Variants in MAGI1 observed in about 807,000 individuals in gnomAD.
The protein encoded by MAGI1 is membrane-associated guanylate kinase, WW and PDZ domain-containing protein 1.
A neutral mutation model predicts 139.9 loss-of-function variants in MAGI1; 58 were observed. The observed-to-expected ratio is 0.41, with a 90% CI of 0.34 to 0.52. The LOEUF is 0.52. MAGI1 is among the 20% of genes least tolerant of loss of function. The pLI is 0.12. For missense variants in MAGI1, 1,874 were observed against 1,901.6 expected (o/e 0.99, Z 0.27); for synonymous variants, 812 against 737.9 (o/e 1.10, Z -1.63).
chr3:65,392,011 A>C (rs1210151827), intron 13 of MAGI1, among the ~76,000 whole-genome samples: 1 of 152,200 alleles, frequency 6.6e-6, no homozygotes, highest in Non-Finnish European at 1.5e-5. Flanking sequence ...TTCACCTCTT[A>C]AACTGCCGAT....
At chr3:65,432,715 G>A (rs961037826) in intron 10 of MAGI1, among the ~76,000 whole-genome samples, 6 of 152,144 alleles carry the variant, frequency 3.9e-5, no homozygotes, top group Non-Finnish European at 8.8e-5. Flanking sequence ...CAGCTGCCAA[G>A]ACAATTATCA....
intron 1 of MAGI1, among the ~76,000 whole-genome samples, chr3:65,726,197 C>T (rs1321731303): frequency 6.6e-6 from 1 of 152,142 alleles, no homozygotes; most frequent in African/African-American, 2.4e-5. Context: ...TTTACATTTC[C>T]ATCTTATTTA....
intron 1 of MAGI1, among the ~76,000 whole-genome samples, chr3:65,650,462 AG>A (rs1559754396): frequency 6.6e-6 from 1 of 152,200 alleles, no homozygotes; most frequent in Non-Finnish European, 1.5e-5. Flanking sequence ...ATAAAAAGGA[AG>A]GAACTATTGA....
At position 66,038,105 on chromosome 3, in the gene MAGI1, C is replaced by T; in HGVS notation, c.204G>A (p.Glu68=). The change falls in exon 1 of 23, where the codon GAG becomes GAA. Residue 68 remains glutamate (E), a synonymous_variant. Coordinates refer to ENST00000402939, the MANE Select transcript of MAGI1 (RefSeq NM_001033057.2). ...GGEGPRLGEG[E]LLLEVQGVRV... is the part of the protein sequence containing the mutation. The stretch of plus-strand genomic sequence containing the variant: ...GGACCCCCTGCACCTCCAGAAGCAG[C>T]TCCCCTTCGCCCAGCCTCGGGCCCT... 1 of 1,612,920 alleles carries T rather than the reference C, an allele frequency of 6.2e-7. No individual in the cohort carries two copies. The highest frequency in any genetic ancestry group is 8.5e-7 in the Non-Finnish European group (1 of 1,179,746).
At chr3:65,682,194 C>T (rs890681919) in intron 1 of MAGI1, among the ~76,000 whole-genome samples, 1 of 152,264 alleles carries the variant, frequency 6.6e-6, no homozygotes, top group East Asian at 1.9e-4. Flanking sequence ...AAAGTAGCAT[C>T]AAGGGTGGGC....
intron 11 of MAGI1, 124 bp from the exon 12 acceptor site, chr3:65,430,264 A>G (rs1947354651): frequency 1.1e-6 from 1 of 937,256 alleles, no homozygotes; most frequent in Admixed American, 2.6e-5. Context: ...ACTATAGGGT[A>G]TAAAGTGCTT....
intron 2 of MAGI1, among the ~76,000 whole-genome samples, chr3:65,569,595 C>T (rs552052621): frequency 2.2e-4 from 33 of 152,122 alleles, no homozygotes; most frequent in Non-Finnish European, 2.6e-4. Flanking sequence ...ATGTTTAAGA[C>T]GGCAGGCACG....
chr3:65,746,693 A>G (rs555499575), intron 1 of MAGI1, among the ~76,000 whole-genome samples: 2 of 152,274 alleles, frequency 1.3e-5, no homozygotes, highest in African/African-American at 4.8e-5. Flanking sequence ...CCAGCCATCA[A>G]GGGCATTAAA....
chr3:65,761,802 C>T (rs2037055369), intron 1 of MAGI1, among the ~76,000 whole-genome samples: 1 of 152,202 alleles, frequency 6.6e-6, no homozygotes, highest in African/African-American at 2.4e-5. Context: ...GGAATGTGAT[C>T]TGTTTCATCT....
chr3:65,926,256 A>G (rs900837863), intron 1 of MAGI1, among the ~76,000 whole-genome samples: 40 of 152,108 alleles, frequency 2.6e-4, no homozygotes, highest in Non-Finnish European at 4.7e-4. Flanking sequence ...AATAAATACA[A>G]TGTAAATAAA....
At chr3:65,704,621 T>C (rs913310983) in intron 1 of MAGI1, among the ~76,000 whole-genome samples, 1 of 152,190 alleles carries the variant, frequency 6.6e-6, no homozygotes, top group Non-Finnish European at 1.5e-5. Flanking sequence ...ATGGGGCTTA[T>C]GTGGTTTTTA....
At chr3:65,547,411 C>T (rs1374365659) in intron 2 of MAGI1, among the ~76,000 whole-genome samples, 1 of 152,096 alleles carries the variant, frequency 6.6e-6, no homozygotes, top group Non-Finnish European at 1.5e-5. Context: ...TATCTATTAC[C>T]AGAGTATAAC....
chr3:65,495,614 T>C (rs1159294072), intron 2 of MAGI1, among the ~76,000 whole-genome samples: 1 of 152,204 alleles, frequency 6.6e-6, no homozygotes, highest in East Asian at 1.9e-4. Flanking sequence ...AACAAATATG[T>C]ATATAAATAA....
At chr3:65,511,298 A>G (rs1398125990) in intron 2 of MAGI1, among the ~76,000 whole-genome samples, 1 of 149,570 alleles carries the variant, frequency 6.7e-6, no homozygotes, top group Non-Finnish European at 1.5e-5. Context: ...AAATTCACAC[A>G]TAACAATATT....
rs77318773 is a variant in MAGI1, at chr3:65,687,932, G to T, written c.314-65844C>A. 6.9e-4 allele frequency: 483 copies of T among 694,986 alleles called. 1 individual carries two copies. The highest frequency in any genetic ancestry group is 1.2e-3 in the Non-Finnish European group (450 of 366,908). 43.1% of individuals were successfully genotyped at this position (694,986 alleles called of 1,614,324 possible). ...TAGCAGCCATTCGGCATGCCCGCTG[G>T]TTCAAGGAAAATGGCTCTCAGTTCA... is the stretch of plus-strand genomic sequence containing the variant. On this transcript the variant is annotated intron_variant, in intron 1 of 22. Transcript: ENST00000402939.
At chr3:65,430,673 A>G in intron 11 of MAGI1, 26 bp downstream of exon 11, 1 of 1,608,390 alleles carries the variant, frequency 6.2e-7, no homozygotes, top group Non-Finnish European at 8.5e-7. Context: ...ACCACACAGA[A>G]CACACTAAGG....
At chr3:65,690,439 T>G (rs1423767585) in intron 1 of MAGI1, among the ~76,000 whole-genome samples, 1 of 152,130 alleles carries the variant, frequency 6.6e-6, no homozygotes, top group Non-Finnish European at 1.5e-5. Context: ...CTGCTGAATT[T>G]TTTTAGTCAA....
chr3:65,392,269 G>A (rs1943987385), intron 13 of MAGI1, among the ~76,000 whole-genome samples: 1 of 152,160 alleles, frequency 6.6e-6, no homozygotes. Context: ...TAATGGAAAG[G>A]AAAATAGTGG....
At chr3:65,363,869 G>T (rs1383383983) in intron 20 of MAGI1, among the ~76,000 whole-genome samples, 1 of 152,088 alleles carries the variant, frequency 6.6e-6, no homozygotes, top group Non-Finnish European at 1.5e-5. Flanking sequence ...TTTGCATTTG[G>T]GGAAGGACAA....
Sources: gnomAD v4.1 joint callset for allele counts (sites outside exome capture counted in the v4.1 genomes callset) on GRCh38, gnomAD v4.1.1 for gene constraint, MANE v1.5 for transcripts, NCBI Gene and HGNC (gene_info 2026-07-23, HGNC 2026-07-21) for gene names.